Variants in SOX6 observed in about 807,000 individuals in gnomAD.
SOX6 encodes SRY-box transcription factor 6, also known as transcription factor SOX-6.
SOX6 carries 11 observed loss-of-function variants against 97.8 expected under a neutral mutation model. The observed-to-expected ratio is 0.11, with a 90% CI of 0.07 to 0.19. The LOEUF is 0.19. Ranked by LOEUF, SOX6 falls within the 10% of genes least tolerant of loss-of-function variation. The pLI is 1.00. For synonymous variants in SOX6, 360 were observed against 371.4 expected, an observed-to-expected ratio of 0.97 and a Z score of 0.35; for missense variants, 810 against 1,039.5, an observed-to-expected ratio of 0.78 and a Z score of 3.04.
In SOX6 at chr11:16,590,199, G is replaced by A. The variant is rs574736962; in HGVS notation, n.609+21882C>T. On this transcript the variant is annotated intron_variant and non_coding_transcript_variant, in intron 4 of 5. Transcript: ENST00000524520. ...TGGCTGAAGATTTGCAAAAAGAAATGTCAGGTAGGACGCTTGCTTTTCAGA... is the reference window on the plus strand; with the variant it reads ...TGGCTGAAGATTTGCAAAAAGAAATATCAGGTAGGACGCTTGCTTTTCAGA... Among the ~76,000 whole-genome samples, 6 of 152,232 alleles carry A rather than the reference G, an allele frequency of 3.9e-5. No homozygotes were observed. The East Asian group carries it at 9.6e-4, about 24-fold the overall frequency.
chr11:16,381,361 C>G (rs1328436216), intron 1 of SOX6, among the ~76,000 whole-genome samples: 1 of 152,006 alleles, frequency 6.6e-6, no homozygotes, highest in African/African-American at 2.4e-5. Context: ...AGTTGCACTT[C>G]TGCACATGGA....
intron 3 of SOX6, among the ~76,000 whole-genome samples, chr11:16,253,958 C>A (rs1853600365): frequency 6.6e-6 from 1 of 151,690 alleles, no homozygotes; most frequent in African/African-American, 2.4e-5. Context: ...AAAAGAAAAA[C>A]CTTGAAAGAA....
intron 4 of SOX6, among the ~76,000 whole-genome samples, chr11:16,502,104 C>G (rs1481812101): frequency 6.6e-6 from 1 of 152,142 alleles, no homozygotes; most frequent in Non-Finnish European, 1.5e-5. Context: ...AAATGTGGCA[C>G]ATATATACCA....
intron 3 of SOX6, among the ~76,000 whole-genome samples, chr11:16,675,197 T>C (rs1364129622): frequency 1.3e-5 from 2 of 152,180 alleles, no homozygotes; most frequent in East Asian, 1.9e-4. Flanking sequence ...ACACATAAAG[T>C]TCAATACCTA....
At chr11:16,096,750 T>C (rs74985522) in intron 8 of SOX6, among the ~76,000 whole-genome samples, 3,956 of 152,016 alleles carry the variant, frequency 0.026, 171 homozygotes, top group African/African-American at 0.09. Flanking sequence ...AAAATAATTA[T>C]AGTATATTTT....
intron 2 of SOX6, among the ~76,000 whole-genome samples, chr11:16,326,884 C>G (rs10128558): frequency 0.1 from 15,510 of 152,186 alleles, 844 homozygotes; most frequent in African/African-American, 0.12. Context: ...AGATAAGGTA[C>G]TTGGGCTGGG....
chr11:16,463,157 G>A (rs1428101898), intron 1 of SOX6, among the ~76,000 whole-genome samples: 2 of 152,168 alleles, frequency 1.3e-5, no homozygotes, highest in African/African-American at 4.8e-5. Context: ...GTACCGGAAT[G>A]GGAACAAATT....
chr11:16,424,287 T>C (rs1403563980), intron 1 of SOX6, among the ~76,000 whole-genome samples: 2 of 152,232 alleles, frequency 1.3e-5, no homozygotes, highest in South Asian at 4.1e-4. Context: ...ACATAGGTTG[T>C]AATAATAGCA....
intron 3 of SOX6, among the ~76,000 whole-genome samples, chr11:16,298,172 T>C (rs1855153977): frequency 6.6e-6 from 1 of 152,188 alleles, no homozygotes; most frequent in Admixed American, 6.5e-5. Context: ...ATTTATTCGT[T>C]TGGCATTATA....
chr11:16,730,242 C>T (rs1158897869), intron 2 of SOX6, among the ~76,000 whole-genome samples: 6 of 151,892 alleles, frequency 4.0e-5, no homozygotes, highest in East Asian at 1.9e-4. Flanking sequence ...TGGATCAAGC[C>T]GACCTAATGG....
chr11:16,639,132 T>C (rs1848847672), intron 3 of SOX6, among the ~76,000 whole-genome samples: 1 of 152,358 alleles, frequency 6.6e-6, no homozygotes, highest in South Asian at 2.1e-4. Flanking sequence ...TTTCTACATA[T>C]GGCTAGCCAG....
intron 1 of SOX6, among the ~76,000 whole-genome samples, chr11:16,353,269 A>G (rs541997259): frequency 6.6e-6 from 1 of 152,144 alleles, no homozygotes; most frequent in South Asian, 2.1e-4. Context: ...GAGGAGCTTG[A>G]ACAATATGTA....
intron 9 of SOX6, among the ~76,000 whole-genome samples, chr11:16,064,032 T>C (rs375196626): frequency 1.7e-4 from 26 of 151,768 alleles, no homozygotes; most frequent in East Asian, 1.4e-3. Flanking sequence ...GTCTTACAGT[T>C]ACTCTCTAAA....
At chr11:16,187,711 A>G (rs928254380) in intron 4 of SOX6, among the ~76,000 whole-genome samples, 1 of 152,186 alleles carries the variant, frequency 6.6e-6, no homozygotes, top group Non-Finnish European at 1.5e-5. Flanking sequence ...TGTTTAATGA[A>G]TATGATGTCG....
upstream of SOX6, among the ~76,000 whole-genome samples, chr11:16,480,788 C>T (rs1248382907): frequency 6.6e-6 from 1 of 152,060 alleles, no homozygotes. Flanking sequence ...TCCAAAACAC[C>T]TGTAACAAAT....
intron 12 of SOX6, among the ~76,000 whole-genome samples, chr11:16,034,794 G>C (rs1005351662): frequency 6.6e-5 from 10 of 152,244 alleles, no homozygotes; most frequent in African/African-American, 2.4e-4. Context: ...TTCAGAGACA[G>C]ACATAGACAT....
At chr11:16,577,383 C>T (rs1408990462) in intron 4 of SOX6, among the ~76,000 whole-genome samples, 1 of 152,066 alleles carries the variant, frequency 6.6e-6, no homozygotes, top group African/African-American at 2.4e-5. Flanking sequence ...CTATCAAAGC[C>T]TTCTTTGTCC....
chr11:16,187,250 A>T (rs75286334), intron 4 of SOX6, among the ~76,000 whole-genome samples: 1,559 of 152,168 alleles, frequency 0.01, 27 homozygotes, highest in African/African-American at 0.035. Context: ...TTTGCCCCCA[A>T]TCTATCTGAT....
chr11:16,670,617 C>T (rs78089590), intron 3 of SOX6, among the ~76,000 whole-genome samples: 1 of 152,210 alleles, frequency 6.6e-6, no homozygotes, highest in Non-Finnish European at 1.5e-5. Flanking sequence ...CCCACACCCC[C>T]TCTTGTCACC....
Sources: gnomAD v4.1 joint callset for allele counts (sites outside exome capture counted in the v4.1 genomes callset) on GRCh38, gnomAD v4.1.1 for gene constraint, MANE v1.5 for transcripts, NCBI Gene and HGNC (gene_info 2026-07-23, HGNC 2026-07-21) for gene names.